PPFIA2: variants seen among roughly 807,000 people sequenced by gnomAD.
The protein encoded by PPFIA2 is liprin-alpha-2.
Under a neutral mutation model 175.5 loss-of-function variants are expected in PPFIA2, and 46 were observed. The observed-to-expected ratio is 0.26, with a 90% CI of 0.21 to 0.34. The LOEUF (loss-of-function observed/expected upper bound fraction) is 0.34. Among genes scored for constraint, PPFIA2 ranks in the 10% least tolerant of loss-of-function variants. PPFIA2 has a pLI of 1.00. For synonymous variants in PPFIA2, 568 were observed against 511.4 expected, an observed-to-expected ratio of 1.11 and a Z score of -1.49; for missense variants, 1,179 against 1,506.1, an observed-to-expected ratio of 0.78 and a Z score of 3.60.
intron 3 of PPFIA2, among the ~76,000 whole-genome samples, chr12:81,684,238 G>C (rs1392231102): frequency 6.6e-6 from 1 of 152,050 alleles, no homozygotes; most frequent in Non-Finnish European, 1.5e-5. Flanking sequence ...TGAACAAACT[G>C]ACAAACTCGG....
chr12:81,571,863 G>C (rs2072608949), intron 4 of PPFIA2, among the ~76,000 whole-genome samples: 1 of 152,026 alleles, frequency 6.6e-6, no homozygotes, highest in African/African-American at 2.4e-5. Context: ...TAGGTATTAA[G>C]AATTGAATAA....
chr12:81,341,234 A>G, intron 19 of PPFIA2, 26 bp from the exon 20 acceptor site: 1 of 1,601,060 alleles, frequency 6.2e-7, no homozygotes, highest in South Asian at 1.1e-5. Context: ...ATACATTCAA[A>G]TAAACCCTTT....
chr12:81,354,486 T>A (rs2060548919), intron 16 of PPFIA2, among the ~76,000 whole-genome samples: 1 of 152,182 alleles, frequency 6.6e-6, no homozygotes, highest in South Asian at 2.1e-4. Flanking sequence ...AGTTTTATCA[T>A]GAGATTGCAG....
At chr12:81,667,860 A>G (rs565189310) in intron 4 of PPFIA2, among the ~76,000 whole-genome samples, 1 of 152,214 alleles carries the variant, frequency 6.6e-6, no homozygotes, top group South Asian at 2.1e-4. Flanking sequence ...GAACTACTAG[A>G]AAAGAGGAAG....
chr12:81,259,697 A>C (rs1205943543), intron 32 of PPFIA2, 37 bp from the exon 33 acceptor site: 1 of 1,525,668 alleles, frequency 6.6e-7, no homozygotes, highest in South Asian at 1.2e-5. Flanking sequence ...TTCACTGAAA[A>C]GTCCCAGACT....
chr12:81,414,639 A>T (rs75167254), intron 7 of PPFIA2, among the ~76,000 whole-genome samples: 15 of 151,562 alleles, frequency 9.9e-5, no homozygotes, highest in Admixed American at 2.6e-4. Context: ...TTCAATTAAC[A>T]ATTCCCAGGG....
chr12:81,262,018 C>A lies in PPFIA2; in HGVS notation c.3738G>T (p.Arg1246Ser). Reference sequence around the variant, plus strand: ...ATGTGCGAACAGTGGAGTTGTCTAACCTCTGCAGTCTTGATGAAGCAACTG... The same window carrying A: ...ATGTGCGAACAGTGGAGTTGTCTAAACTCTGCAGTCTTGATGAAGCAACTG... ...TTDVASSRLQ[R>S]LDNSTVRTYS... The change falls in exon 32 of 33, where the codon AGG (arginine) becomes AGT (serine). Residue 1246 changes from arginine (R) to serine (S), a missense_variant. Physicochemically the swap from Arg to Ser is moderately radical, Grantham distance 110. Coordinates refer to ENST00000549396, the MANE Select transcript of PPFIA2 (RefSeq NM_003625.5). The A allele has an allele frequency of 6.2e-7, 1 of 1,604,974 alleles. No individual in the cohort carries two copies. The highest frequency in any genetic ancestry group is 8.5e-7 in the Non-Finnish European group (1 of 1,175,400).
At chr12:81,512,420 A>G in intron 4 of PPFIA2, 1 of 1,144,624 alleles carries the variant, frequency 8.7e-7, no homozygotes, top group South Asian at 1.4e-5. Flanking sequence ...CCCAGCCTAA[A>G]ATGGAATTTT....
chr12:81,328,656 C>T (rs1365802722), intron 21 of PPFIA2, among the ~76,000 whole-genome samples: 3 of 152,066 alleles, frequency 2.0e-5, no homozygotes, highest in South Asian at 4.1e-4. Context: ...GGATACAGTA[C>T]ATCCACAGAG....
In PPFIA2 at chr12:81,368,717, C is replaced by T. The variant is rs371440763; in HGVS notation, c.1482+8G>A. ...TATTCATGTGATTTTACCCTTCTATCGTTTTACCTTTTCTTCTAGAGCAGC... is the reference window on the plus strand; with the variant it reads ...TATTCATGTGATTTTACCCTTCTATTGTTTTACCTTTTCTTCTAGAGCAGC... On this transcript the variant is annotated splice_region_variant and intron_variant, in intron 13 of 32. Coordinates refer to ENST00000549396, the MANE Select transcript of PPFIA2 (RefSeq NM_003625.5). 24 of 1,602,208 alleles carry T rather than the reference C, an allele frequency of 1.5e-5. No homozygotes were observed. The highest frequency in any genetic ancestry group is 3.3e-4 in the Middle Eastern group (2 of 6,006).
chr12:81,483,554 A>G (rs2058485468), intron 4 of PPFIA2, among the ~76,000 whole-genome samples: 1 of 152,082 alleles, frequency 6.6e-6, no homozygotes, highest in African/African-American at 2.4e-5. Flanking sequence ...ATAATTGCTA[A>G]TAGATACAGA....
In PPFIA2 at chr12:81,355,145, A is replaced by G. The variant is rs141174863; in HGVS notation, c.1774-1806T>C. Among the ~76,000 whole-genome samples, 400 of 152,322 alleles carry G rather than the reference A, an allele frequency of 2.6e-3. 1 individual carries two copies. The highest frequency in any genetic ancestry group is 8.9e-3 in the African/African-American group (370 of 41,568). The stretch of plus-strand genomic sequence containing the variant: ...AAAATTACTGCTTTATCCACGGGCT[A>G]CAGAATGAATGTTGTGTTAGCAGGC... On this transcript the variant is annotated intron_variant, in intron 16 of 32. Transcript: ENST00000549396.
intron 4 of PPFIA2, among the ~76,000 whole-genome samples, chr12:81,505,271 TAAA>T (rs575686286): frequency 7.8e-6 from 1 of 127,454 alleles, no homozygotes; most frequent in Middle Eastern, 4.0e-3. Context: ...AAAGTATAAT[TAAA>T]AAAAAAAAAA....
chr12:81,592,014 C>G (rs2058728549), intron 4 of PPFIA2, among the ~76,000 whole-genome samples: 4 of 152,088 alleles, frequency 2.6e-5, no homozygotes, highest in African/African-American at 9.7e-5. Context: ...ACCTGTAAAG[C>G]CATAGGGGTG....
At chr12:81,455,918 A>C (rs1358445431) in intron 5 of PPFIA2, among the ~76,000 whole-genome samples, 2 of 152,226 alleles carry the variant, frequency 1.3e-5, no homozygotes, top group African/African-American at 2.4e-5. Flanking sequence ...TGAGATAATT[A>C]TAACATCTCC....
At chr12:81,414,391 CCTTA>C (rs1432019983) in intron 7 of PPFIA2, among the ~76,000 whole-genome samples, 2 of 151,526 alleles carry the variant, frequency 1.3e-5, no homozygotes, top group Non-Finnish European at 3.0e-5. Context: ...ATGGTTTTTA[CCTTA>C]CTGATTATTT....
intron 6 of PPFIA2, among the ~76,000 whole-genome samples, chr12:81,444,861 AATT>A (rs2050921523): frequency 6.6e-6 from 1 of 152,146 alleles, no homozygotes; most frequent in Admixed American, 6.6e-5. Context: ...CAGTCTTTGA[AATT>A]TCACGAAATT....
intron 4 of PPFIA2, among the ~76,000 whole-genome samples, chr12:81,478,927 T>C (rs1176004034): frequency 6.6e-6 from 1 of 152,210 alleles, no homozygotes; most frequent in Non-Finnish European, 1.5e-5. Context: ...TGGATGTCTA[T>C]TGAGTCCACT....
chr12:81,441,511 T>C (rs749226500), intron 6 of PPFIA2, among the ~76,000 whole-genome samples: 1 of 152,132 alleles, frequency 6.6e-6, no homozygotes, highest in Non-Finnish European at 1.5e-5. Flanking sequence ...CCAAGTATCA[T>C]TCCTGTTAGA....
Sources: gnomAD v4.1 joint callset for allele counts (sites outside exome capture counted in the v4.1 genomes callset) on GRCh38, gnomAD v4.1.1 for gene constraint, MANE v1.5 for transcripts, NCBI Gene and HGNC (gene_info 2026-07-23, HGNC 2026-07-21) for gene names.